The following DLGAP1 variants were observed in gnomAD, a reference collection of about 807,000 sequenced individuals.
DLGAP1 encodes the protein disks large-associated protein 1.
Under a neutral mutation model 90.8 loss-of-function variants are expected in DLGAP1, and 11 were observed. The ratio of observed to expected loss-of-function variants is 0.12; its 90% confidence interval spans 0.08 to 0.20. The LOEUF (loss-of-function observed/expected upper bound fraction) is 0.20, where lower values mean the gene tolerates loss of function less well. Among genes scored for constraint, DLGAP1 ranks in the 10% least tolerant of loss-of-function variants. The pLI is 1.00. For missense variants in DLGAP1, 1,050 were observed against 1,333.8 expected (o/e 0.79, Z 3.31); for synonymous variants, 558 against 540.7 (o/e 1.03, Z -0.44).
chr18:3,911,066 TACAA>T (rs2072022854), intron 3 of DLGAP1, among the ~76,000 whole-genome samples: 1 of 152,130 alleles, frequency 6.6e-6, no homozygotes, highest in Non-Finnish European at 1.5e-5. Flanking sequence ...CTTAGATGAG[TACAA>T]ACAGAGCAAA....
At chr18:4,224,923 T>C (rs575875712) in intron 1 of DLGAP1, among the ~76,000 whole-genome samples, 4 of 152,140 alleles carry the variant, frequency 2.6e-5, no homozygotes, top group African/African-American at 4.8e-5. Context: ...CAGGTCTTAG[T>C]GCATTCACAG....
rs1042671012 is a variant in DLGAP1 at position 3,737,575 on chromosome 18, C to G, written c.1350+4760G>C. Among the ~76,000 whole-genome samples, 168 of 151,238 alleles carry G rather than the reference C, an allele frequency of 1.1e-3. 2 individuals carry two copies. Among genetic ancestry groups the G allele is most frequent in the South Asian group, 8.7e-3 (41 of 4,730 alleles). On this transcript the variant is annotated intron_variant, in intron 6 of 12. Transcript: ENST00000315677. Reference sequence around the variant, plus strand: ...AAGGCCTTTGACAAAATTCAACAAGCCTTCATGCTAAAAACTCTCAATAAA... The same window carrying G: ...AAGGCCTTTGACAAAATTCAACAAGGCTTCATGCTAAAAACTCTCAATAAA...
Position 3,814,242 on chromosome 18 carries a change from G to A in DLGAP1, c.989C>T (p.Pro330Leu). 6.2e-7 allele frequency: 1 copy of A among 1,613,900 alleles called. No individual in the cohort carries two copies. The highest frequency in any genetic ancestry group is 8.5e-7 in the Non-Finnish European group (1 of 1,179,986). Residue 330 changes from proline to leucine, a missense_variant, in exon 5 of 13, where the codon CCA (proline) becomes CTA (leucine). This residue lies in a region of DLGAP1 where 565 missense variants were observed against 879.7 expected (regional missense o/e 0.64). Coordinates refer to ENST00000315677, the MANE Select transcript of DLGAP1 (RefSeq NM_004746.4). Reference protein sequence around the residue: ...VPQDEWTGYTPRGKDDEIPCR... With the variant: ...VPQDEWTGYTLRGKDDEIPCR... ...TGGAATTTCATCATCTTTACCTCGT[G>A]GGGTGTACCCTGTCCATTCATCTTG...
intron 5 of DLGAP1, among the ~76,000 whole-genome samples, chr18:3,761,775 C>CA (rs2063977552): frequency 6.6e-6 from 1 of 152,046 alleles, no homozygotes; most frequent in African/African-American, 2.4e-5. Context: ...GGGGTTTCAC[C>CA]ATGTTGGCTA....
chr18:4,416,731 T>C lies in DLGAP1; in HGVS notation c.-267+38275A>G, dbSNP rs572969050. ...TATGAGATGCTATAGGAAATATGCA[T>C]TAATCAAAAAGTGCTCTTGGGCTTG... On this transcript the variant is annotated intron_variant, in intron 1 of 12. Transcript: ENST00000315677. Among the ~76,000 whole-genome samples the C allele has an allele frequency of 4.5e-4, 69 of 152,306 alleles. 1 individual carries two copies. The highest frequency in any genetic ancestry group is 2.6e-3 in the Admixed American group (40 of 15,284).
chr18:3,877,586 A>G (rs76953916), intron 4 of DLGAP1, among the ~76,000 whole-genome samples: 3,586 of 152,228 alleles, frequency 0.024, 140 homozygotes, highest in African/African-American at 0.083. Context: ...TTATCGAAAT[A>G]CTTTACTTTC....
intron 1 of DLGAP1, among the ~76,000 whole-genome samples, chr18:4,265,381 T>A (rs571068292): frequency 6.6e-6 from 1 of 151,900 alleles, no homozygotes; most frequent in South Asian, 2.1e-4. Flanking sequence ...GTGTTAGCCA[T>A]GATGGTCTCA....
intron 5 of DLGAP1, among the ~76,000 whole-genome samples, chr18:3,772,384 CTTTCTTTCTTTCTTTCTTTCTTTCTCTT>C (rs2064701032): frequency 4.9e-5 from 1 of 20,424 alleles, no homozygotes; most frequent in African/African-American, 1.2e-4. Context: ...TTCTTTCTTT[CTTTCTTTCTTTCTTTCTTTCTTTCTCTT>C]TCTTTCTTTC....
At chr18:4,392,354 G>A (rs979370091) in intron 1 of DLGAP1, among the ~76,000 whole-genome samples, 1 of 152,054 alleles carries the variant, frequency 6.6e-6, no homozygotes, top group Non-Finnish European at 1.5e-5. Flanking sequence ...GTTTGATTGG[G>A]CCCTTAAAAT....
At chr18:3,733,944 C>A (rs1285766596) in intron 6 of DLGAP1, among the ~76,000 whole-genome samples, 1 of 152,032 alleles carries the variant, frequency 6.6e-6, no homozygotes, top group Admixed American at 6.6e-5. Context: ...TCCAGAAATC[C>A]AAAGTGTTTT....
intron 5 of DLGAP1, among the ~76,000 whole-genome samples, chr18:3,744,494 A>C (rs911336095): frequency 4.6e-5 from 7 of 152,202 alleles, no homozygotes; most frequent in African/African-American, 1.4e-4. Context: ...CTGTAAAAAA[A>C]CTTAAATTTT....
At chr18:4,164,552 C>T (rs1445721999) in intron 1 of DLGAP1, among the ~76,000 whole-genome samples, 6 of 152,008 alleles carry the variant, frequency 3.9e-5, no homozygotes, top group African/African-American at 9.6e-5. Flanking sequence ...TGGTCATGGG[C>T]GCCTGTAATC....
At chr18:3,746,003 T>C (rs1245294390) in intron 5 of DLGAP1, among the ~76,000 whole-genome samples, 1 of 152,126 alleles carries the variant, frequency 6.6e-6, no homozygotes, top group Non-Finnish European at 1.5e-5. Flanking sequence ...CTATACTTTA[T>C]AGCTGCAATG....
At chr18:3,765,345 T>C (rs1362280829) in intron 5 of DLGAP1, among the ~76,000 whole-genome samples, 6 of 150,646 alleles carry the variant, frequency 4.0e-5, no homozygotes, top group East Asian at 2.0e-4. Flanking sequence ...TTAGCCAGGA[T>C]GGTCTCGATC....
At chr18:4,042,067 C>A (rs2149150198) in intron 2 of DLGAP1, among the ~76,000 whole-genome samples, 1 of 152,122 alleles carries the variant, frequency 6.6e-6, no homozygotes, top group Admixed American at 6.5e-5. Flanking sequence ...TTGTGTGTTC[C>A]TTTAAAGAAG....
At chr18:4,152,536 A>G (rs2076692166) in intron 1 of DLGAP1, among the ~76,000 whole-genome samples, 1 of 152,222 alleles carries the variant, frequency 6.6e-6, no homozygotes. Context: ...TGTTTCCAAA[A>G]AGAACACTGG....
At chr18:3,589,245 A>C (rs1008816286) in intron 7 of DLGAP1, among the ~76,000 whole-genome samples, 8 of 152,338 alleles carry the variant, frequency 5.3e-5, no homozygotes, top group African/African-American at 1.9e-4. Flanking sequence ...GGCCTGGGCC[A>C]GAGATTATTT....
intron 2 of DLGAP1, among the ~76,000 whole-genome samples, chr18:4,148,632 T>C (rs1335202860): frequency 2.0e-5 from 3 of 152,206 alleles, no homozygotes; most frequent in African/African-American, 7.2e-5. Context: ...TTCTGTCTGC[T>C]CTTTTTGGTA....
chr18:3,872,935 C>T (rs1286186876), intron 4 of DLGAP1, among the ~76,000 whole-genome samples: 1 of 152,146 alleles, frequency 6.6e-6, no homozygotes, highest in Admixed American at 6.5e-5. Flanking sequence ...GATTGGAATT[C>T]TGTGAGATCA....
Sources: allele counts gnomAD v4.1 joint callset (sites outside exome capture counted in the v4.1 genomes callset), GRCh38; gene constraint gnomAD v4.1.1; regional missense constraint gnomAD v4.1.1; transcripts MANE v1.5; gene names NCBI Gene and HGNC (gene_info 2026-07-23, HGNC 2026-07-21).